Variants in NAALADL2 observed in about 807,000 individuals in gnomAD.
NAALADL2 encodes the protein inactive N-acetylated-alpha-linked acidic dipeptidase-like protein 2.
Under a neutral mutation model 87.2 loss-of-function variants are expected in NAALADL2, and 76 were observed. The ratio of observed to expected loss-of-function variants is 0.87; its 90% CI spans 0.72 to 1.05. The LOEUF is 1.05. NAALADL2 is among the 50% of genes least tolerant of loss of function. The probability of loss-of-function intolerance (pLI) is 0.00; values close to 1 mark genes in which losing one functional copy is unlikely to be tolerated. For missense variants in NAALADL2, 1,089 were observed against 945.8 expected (o/e 1.15, Z -1.99); for synonymous variants, 354 against 331.0 (o/e 1.07, Z -0.75).
chr3:174,477,022 A>G (rs897988300), intron 1 of NAALADL2, among the ~76,000 whole-genome samples: 8 of 151,950 alleles, frequency 5.3e-5, no homozygotes, highest in Non-Finnish European at 1.2e-4. Flanking sequence ...ATTAAAATCT[A>G]TGAAAATTAA....
At chr3:174,966,703 A>G (rs187411955) in intron 1 of NAALADL2, among the ~76,000 whole-genome samples, 7 of 152,306 alleles carry the variant, frequency 4.6e-5, no homozygotes, top group Non-Finnish European at 7.4e-5. Flanking sequence ...CCCAAGTAAC[A>G]TACATTTGTA....
intron 3 of NAALADL2, among the ~76,000 whole-genome samples, chr3:174,767,507 C>T (rs1414723613): frequency 2.0e-5 from 3 of 152,052 alleles, no homozygotes; most frequent in East Asian, 1.9e-4. Flanking sequence ...AGCACTCAAA[C>T]GTTATATGGT....
intron 5 of NAALADL2, among the ~76,000 whole-genome samples, chr3:175,342,642 C>G (rs766553332): frequency 3.3e-5 from 5 of 151,964 alleles, no homozygotes; most frequent in Admixed American, 1.3e-4. Flanking sequence ...TTCAAACAAA[C>G]TGTAATAGTG....
At position 175,160,360 on chromosome 3, in the gene NAALADL2, C is replaced by CTTTTTTTTTTTTTTTTTTTTTTTTTTTTT. The variant is rs71164618; in HGVS notation, c.545+63097_545+63098insTTTTTTTTTTTTTTTTTTTTTTTTTTTTT. On this transcript the variant is annotated intron_variant, in intron 2 of 13. Transcript: ENST00000454872. Reference sequence around the variant, plus strand: ...TATATTATATGTGTATCTTTTCTTTCTTTTTTTTTTTTTTTTTTTTTTTTT... The same window carrying CTTTTTTTTTTTTTTTTTTTTTTTTTTTTT: ...TATATTATATGTGTATCTTTTCTTTCTTTTTTTTTTTTTTTTTTTTTTTTTTTTTTTTTTTTTTTTTTTTTTTTTTTTTT... 8.8e-5 allele frequency among the ~76,000 whole-genome samples: 5 copies of CTTTTTTTTTTTTTTTTTTTTTTTTTTTTT among 57,036 alleles called. 1 individual carries two copies. Among genetic ancestry groups the CTTTTTTTTTTTTTTTTTTTTTTTTTTTTT allele is most frequent in the Non-Finnish European group, 1.5e-4 (4 of 26,824 alleles). The allele number at this position is 57,036 out of a possible 152,430, so 37.4% of individuals were successfully genotyped here. A position where few individuals can be genotyped will look rare whatever the true frequency, so the allele number is the denominator to read the frequency against.
intron 11 of NAALADL2, among the ~76,000 whole-genome samples, chr3:175,658,287 G>A (rs981368439): frequency 6.6e-6 from 1 of 152,094 alleles, no homozygotes; most frequent in Admixed American, 6.6e-5. Flanking sequence ...AAATGACAGG[G>A]CCGACAATAT....
At chr3:174,680,543 C>G (rs1306381235) in intron 2 of NAALADL2, among the ~76,000 whole-genome samples, 3 of 152,134 alleles carry the variant, frequency 2.0e-5, no homozygotes, top group South Asian at 2.1e-4. Flanking sequence ...AAAAGGAACT[C>G]TTGATTTTAT....
At position 175,164,376 on chromosome 3, in the gene NAALADL2, TA is replaced by T. The variant is rs1316379912; in HGVS notation, c.545+67086del. Among the ~76,000 whole-genome samples, 43 of 152,006 alleles carry T rather than the reference TA, an allele frequency of 2.8e-4. 1 individual carries two copies. The highest frequency in any genetic ancestry group is 1.0e-4 in the Non-Finnish European group (7 of 67,976). ...AGCATCTTCTTATCACATATTATTCTAGTTTCATCAATATTCTCTTCCCATT... is the reference window on the plus strand; with the variant it reads ...AGCATCTTCTTATCACATATTATTCTGTTTCATCAATATTCTCTTCCCATT... On this transcript the variant is annotated intron_variant, in intron 2 of 13. Coordinates refer to ENST00000454872, the MANE Select transcript of NAALADL2 (RefSeq NM_207015.3).
intron 2 of NAALADL2, among the ~76,000 whole-genome samples, chr3:174,723,755 C>CAAAAAAAAAA (rs10663395): frequency 1.1e-4 from 3 of 27,562 alleles, no homozygotes; most frequent in African/African-American, 2.0e-4. Flanking sequence ...GACTCCGTCT[C>CAAAAAAAAAA]AAAAAAAAAA....
At chr3:174,860,696 C>T (rs540397038) in intron 1 of NAALADL2, among the ~76,000 whole-genome samples, 150 of 152,142 alleles carry the variant, frequency 9.9e-4, no homozygotes, top group African/African-American at 3.3e-3. Context: ...CTGTATTCAG[C>T]GATCAAAATA....
chr3:174,987,826 AT>A, intron 1 of NAALADL2, among the ~76,000 whole-genome samples: 1 of 142,134 alleles, frequency 7.0e-6, no homozygotes, highest in African/African-American at 2.8e-5. Context: ...ATATATATAT[AT>A]AATGAGACCT....
chr3:175,280,030 CT>C (rs1235553325), intron 4 of NAALADL2, among the ~76,000 whole-genome samples: 2 of 110,418 alleles, frequency 1.8e-5, no homozygotes, highest in Admixed American at 1.0e-4. Context: ...TTTCACTCCA[CT>C]TTAAAAAAAA....
intron 1 of NAALADL2, among the ~76,000 whole-genome samples, chr3:174,878,223 CACA>C (rs1347278250): frequency 6.6e-6 from 1 of 152,084 alleles, no homozygotes; most frequent in African/African-American, 2.4e-5. Flanking sequence ...TATGATTAGA[CACA>C]ACGTTTAAAC....
intron 1 of NAALADL2, among the ~76,000 whole-genome samples, chr3:174,915,634 A>G (rs1734270859): frequency 6.6e-6 from 1 of 152,176 alleles, no homozygotes; most frequent in Non-Finnish European, 1.5e-5. Flanking sequence ...AAAATAAGTC[A>G]GTTATTTACA....
At chr3:175,046,410 CT>C (rs890995171) in intron 1 of NAALADL2, among the ~76,000 whole-genome samples, 21 of 152,022 alleles carry the variant, frequency 1.4e-4, no homozygotes, top group African/African-American at 2.9e-4. Flanking sequence ...GCTTTTCATA[CT>C]TTTTTTTCAT....
At chr3:175,731,537 G>A (rs1743749701) in intron 11 of NAALADL2, among the ~76,000 whole-genome samples, 1 of 152,136 alleles carries the variant, frequency 6.6e-6, no homozygotes, top group African/African-American at 2.4e-5. Context: ...GAATGTAAAG[G>A]AAAGTTGTTC....
intron 3 of NAALADL2, among the ~76,000 whole-genome samples, chr3:174,822,420 G>C (rs1721528522): frequency 6.6e-6 from 1 of 152,078 alleles, no homozygotes; most frequent in Admixed American, 6.6e-5. Context: ...AGTTTAAAAA[G>C]AAAACAACAC....
chr3:175,624,306 T>C (rs1269110395), intron 10 of NAALADL2, among the ~76,000 whole-genome samples: 1 of 152,070 alleles, frequency 6.6e-6, no homozygotes, highest in Non-Finnish European at 1.5e-5. Context: ...ATTTTCCTGA[T>C]CTTTATGCCA....
At chr3:175,181,737 G>GTA (rs1391203383) in intron 2 of NAALADL2, among the ~76,000 whole-genome samples, 11 of 62,714 alleles carry the variant, frequency 1.8e-4, no homozygotes, top group East Asian at 4.4e-4. Context: ...GTATATATGT[G>GTA]TATATATGTA....
intron 1 of NAALADL2, among the ~76,000 whole-genome samples, chr3:174,874,949 T>C (rs1319810307): frequency 4.6e-5 from 7 of 151,282 alleles, no homozygotes; most frequent in Non-Finnish European, 1.5e-5. Flanking sequence ...ACCCTATCTT[T>C]ACAAAAACAA....
Sources: gnomAD v4.1 joint callset for allele counts (sites outside exome capture counted in the v4.1 genomes callset) on GRCh38, gnomAD v4.1.1 for gene constraint, MANE v1.5 for transcripts, NCBI Gene and HGNC (gene_info 2026-07-23, HGNC 2026-07-21) for gene names.